CTNNA2: variants seen among roughly 807,000 people sequenced by gnomAD.
CTNNA2 encodes the protein catenin alpha 2.
In CTNNA2, 42 loss-of-function variants were observed where a neutral mutation model predicts 101.0. The observed-to-expected ratio is 0.42, with a 90% confidence interval of 0.32 to 0.54. The LOEUF is 0.54. Among genes scored for constraint, CTNNA2 ranks in the 20% least tolerant of loss-of-function variants. CTNNA2 has a pLI of 0.14. For synonymous variants in CTNNA2, 450 were observed against 456.4 expected, an observed-to-expected ratio of 0.99 and a Z score of 0.18; for missense variants, 871 against 1,223.1, an observed-to-expected ratio of 0.71 and a Z score of 4.29.
chr2:80,594,274 G>A (rs182998117), intron 15 of CTNNA2, among the ~76,000 whole-genome samples: 19 of 152,076 alleles, frequency 1.2e-4, no homozygotes, highest in African/African-American at 4.6e-4. Flanking sequence ...ATGCTTATTG[G>A]CATTGTATAT....
At chr2:80,397,319 A>C (rs1418552013) in intron 8 of CTNNA2, among the ~76,000 whole-genome samples, 2 of 152,186 alleles carry the variant, frequency 1.3e-5, no homozygotes, top group Non-Finnish European at 1.5e-5. Flanking sequence ...ACCACATTTA[A>C]TCCACACACT....
chr2:80,376,500 T>C (rs775768785), intron 7 of CTNNA2, among the ~76,000 whole-genome samples: 1 of 151,388 alleles, frequency 6.6e-6, no homozygotes, highest in Non-Finnish European at 1.5e-5. Flanking sequence ...AAATTGTCTA[T>C]GTAACATCCT....
chr2:79,670,723 G>T lies in CTNNA2; in HGVS notation c.102+19065G>T, dbSNP rs147006142. ...CCAATATATCATCACAGTGGTTCTG[G>T]ATAATTTGAGTTTGGTTCATTGAAG... On this transcript the variant is annotated intron_variant, in intron 2 of 18. Transcript: ENST00000402739. Among the ~76,000 whole-genome samples, 983 of 152,214 alleles carry T rather than the reference G, an allele frequency of 6.5e-3. 9 individuals are homozygous for T. Among genetic ancestry groups the T allele is most frequent in the African/African-American group, 0.021 (877 of 41,530 alleles).
chr2:80,374,678 C>CGTGT (rs1337506974), intron 7 of CTNNA2, among the ~76,000 whole-genome samples: 6,439 of 142,906 alleles, frequency 0.045, 324 homozygotes, highest in African/African-American at 0.12. Flanking sequence ...TGCGTGCGTG[C>CGTGT]GTGCGTGTGT....
chr2:80,335,839 A>G (rs1671725452), intron 7 of CTNNA2, among the ~76,000 whole-genome samples: 1 of 152,206 alleles, frequency 6.6e-6, no homozygotes, highest in African/African-American at 2.4e-5. Flanking sequence ...GTTATTAGAC[A>G]CAAAAATGCA....
intron 7 of CTNNA2, among the ~76,000 whole-genome samples, chr2:80,347,556 T>A (rs1401045021): frequency 6.6e-6 from 1 of 152,128 alleles, no homozygotes; most frequent in African/African-American, 2.4e-5. Flanking sequence ...CTCAGTAACT[T>A]TTCATGGAGG....
intron 7 of CTNNA2, among the ~76,000 whole-genome samples, chr2:79,917,662 G>A (rs1299821780): frequency 6.6e-6 from 1 of 152,056 alleles, no homozygotes; most frequent in Non-Finnish European, 1.5e-5. Context: ...TTCTAAAGGT[G>A]CTCAACTGTG....
At chr2:79,651,481 A>C (rs1340843079) in intron 1 of CTNNA2, 71 bp from the exon 2 acceptor site, 3 of 1,418,450 alleles carry the variant, frequency 2.1e-6, no homozygotes, top group Non-Finnish European at 3.0e-6. Context: ...TGATTTACCC[A>C]TTTTGAATCA....
chr2:79,651,518 G>A (rs765560901), intron 1 of CTNNA2, 34 bp from the exon 2 acceptor site: 4 of 1,565,942 alleles, frequency 2.6e-6, no homozygotes, highest in Non-Finnish European at 3.5e-6. Flanking sequence ...TTTCAAAGAT[G>A]ATTATTTCTA....
At chr2:79,643,260 A>C (rs1273699942) in intron 1 of CTNNA2, among the ~76,000 whole-genome samples, 1 of 152,282 alleles carries the variant, frequency 6.6e-6, no homozygotes, top group East Asian at 1.9e-4. Context: ...ACTTAGTTTT[A>C]TGGTCCCCAA....
At chr2:80,605,373 T>G (rs965133700) in intron 16 of CTNNA2, 1 of 151,986 alleles carries the variant, frequency 6.6e-6, no homozygotes, top group Non-Finnish European at 1.5e-5. Context: ...ATATAAGTTT[T>G]GGAAATAAAA....
chr2:79,408,491 T>C (rs1678366257), intron 4 of CTNNA2, among the ~76,000 whole-genome samples: 1 of 142,466 alleles, frequency 7.0e-6, no homozygotes, highest in South Asian at 2.4e-4. Flanking sequence ...AGTGTGATGT[T>C]CCCCTTTCTG....
At chr2:80,353,756 G>A (rs1673528410) in intron 7 of CTNNA2, among the ~76,000 whole-genome samples, 1 of 152,158 alleles carries the variant, frequency 6.6e-6, no homozygotes, top group African/African-American at 2.4e-5. Context: ...TAACCCAGGT[G>A]AAAGTGCTTT....
chr2:80,570,489 C>T (rs1694488190), intron 12 of CTNNA2, among the ~76,000 whole-genome samples: 1 of 152,054 alleles, frequency 6.6e-6, no homozygotes, highest in Non-Finnish European at 1.5e-5. Context: ...GGATTGGTCT[C>T]AGAGAAAGAG....
chr2:80,265,037 C>T (rs1461334267), intron 7 of CTNNA2, among the ~76,000 whole-genome samples: 2 of 148,582 alleles, frequency 1.3e-5, no homozygotes, highest in African/African-American at 5.0e-5. Context: ...TGCAGTTGTG[C>T]AATCTTGGCT....
intron 1 of CTNNA2, among the ~76,000 whole-genome samples, chr2:79,622,806 T>C (rs62140097): frequency 0.16 from 24,386 of 152,154 alleles, 3,309 homozygotes; most frequent in African/African-American, 0.38. Context: ...TTGAGAGGAC[T>C]GTAATGGAGA....
chr2:79,724,238 T>C (rs1351134511), intron 2 of CTNNA2, among the ~76,000 whole-genome samples: 1 of 151,192 alleles, frequency 6.6e-6, no homozygotes, highest in African/African-American at 2.4e-5. Flanking sequence ...TCTAGTATGC[T>C]TGTTCATATT....
rs1284341335 is a variant in CTNNA2 at position 80,612,798 on chromosome 2, A to T, written c.2430+4480A>T. On this transcript the variant is annotated intron_variant, in intron 17 of 18. Transcript: ENST00000402739. ...CTATAGTCAATTCTTCATGATCTCCATGGATCAAAGTGTAACAGTAATGAA... is the reference window on the plus strand; with the variant it reads ...CTATAGTCAATTCTTCATGATCTCCTTGGATCAAAGTGTAACAGTAATGAA... 2.0e-5 allele frequency: 3 copies of T among 151,364 alleles called. No homozygotes were observed. The East Asian group carries it at 5.8e-4, about 29-fold the overall frequency. The allele number at this position is 151,364 out of a possible 1,614,324, so 9.4% of individuals were successfully genotyped here.
intron 2 of CTNNA2, among the ~76,000 whole-genome samples, chr2:79,721,772 G>A (rs1686506015): frequency 6.6e-6 from 1 of 152,114 alleles, no homozygotes; most frequent in East Asian, 1.9e-4. Flanking sequence ...CAAATCAGAG[G>A]AAGTCCTCAT....
Sources: gnomAD v4.1 joint callset for allele counts (sites outside exome capture counted in the v4.1 genomes callset) on GRCh38, gnomAD v4.1.1 for gene constraint, MANE v1.5 for transcripts, NCBI Gene and HGNC (gene_info 2026-07-23, HGNC 2026-07-21) for gene names.